RAD21: variants seen among roughly 807,000 people sequenced by gnomAD.
RAD21 encodes the protein double-strand-break repair protein rad21 homolog.
In RAD21, 18 loss-of-function variants were observed where a neutral mutation model predicts 71.5. The ratio of observed to expected loss-of-function variants is 0.25; its 90% CI spans 0.17 to 0.37. RAD21 has a LOEUF of 0.37. Among genes scored for constraint, RAD21 ranks in the 10% least tolerant of loss-of-function variants. The pLI is 1.00. For synonymous variants in RAD21, 248 were observed against 254.0 expected, an observed-to-expected ratio of 0.98 and a Z score of 0.22; for missense variants, 493 against 769.1, an observed-to-expected ratio of 0.64 and a Z score of 4.25.
Position 116,874,775 on chromosome 8 carries a change from A to G in RAD21, c.-197T>C, listed in dbSNP as rs1001084287. On this transcript the variant is annotated 5_prime_UTR_variant, in exon 1 of 14. Coordinates refer to ENST00000297338, the MANE Select transcript of RAD21 (RefSeq NM_006265.3). The stretch of plus-strand genomic sequence containing the variant: ...TTTCCGATTCACTCAAACAAACAAG[A>G]TGGCTGCCGTTACGCCGCGGCTCTT... 2.2e-6 allele frequency: 1 copy of G among 456,120 alleles called. No homozygotes were observed. The allele number at this position is 456,120 out of a possible 1,614,324, so 28.3% of individuals were successfully genotyped here. A position where few individuals can be genotyped will look rare whatever the true frequency, so the allele number is the denominator to read the frequency against.
chr8:116,851,821 C>A, intron 11 of RAD21, 127 bp downstream of exon 11: 1 of 987,274 alleles, frequency 1.0e-6, no homozygotes. Flanking sequence ...TGCTCTTCTT[C>A]CTCTGGACTC....
At chr8:116,857,605 C>G (rs998074774) in intron 5 of RAD21, 132 bp from the exon 6 acceptor site, 2 of 778,734 alleles carry the variant, frequency 2.6e-6, no homozygotes, top group Non-Finnish European at 4.0e-6. Flanking sequence ...GTTAAAATAT[C>G]TAGTTTAAAC....
rs1396596588 is a variant in RAD21, at chr8:116,861,913, C to T, written c.302G>A (p.Arg101Gln). 3.1e-6 allele frequency: 5 copies of T among 1,611,246 alleles called. No individual in the cohort carries two copies. Among genetic ancestry groups the T allele is most frequent in the East Asian group, 2.2e-5 (1 of 44,776 alleles). Reference sequence around the variant, plus strand: ...AGTAATGGCATTATAAGCTGCTTCCCGATTTTCCTCAGGCAGGTCAACCAC... The same window carrying T: ...AGTAATGGCATTATAAGCTGCTTCCTGATTTTCCTCAGGCAGGTCAACCAC... ...PGVVDLPEEN[R>Q]EAAYNAITLP... Residue 101 changes from arginine to glutamine, a missense_variant, in exon 4 of 14, where the codon CGG becomes CAG. Physicochemically the swap from Arg to Gln is conservative, Grantham distance 43. Coordinates refer to ENST00000297338, the MANE Select transcript of RAD21 (RefSeq NM_006265.3).
chr8:116,869,634 T>G (rs1812769834), intron 1 of RAD21, among the ~76,000 whole-genome samples: 1 of 151,886 alleles, frequency 6.6e-6, no homozygotes, highest in Non-Finnish European at 1.5e-5. Flanking sequence ...CAGAAGAGGT[T>G]TACTGATGAC....
At chr8:116,863,367 T>C (rs1205378323) in intron 2 of RAD21, 108 bp from the exon 3 acceptor site, 11 of 1,177,774 alleles carry the variant, frequency 9.3e-6, no homozygotes, top group Non-Finnish European at 1.3e-5. Flanking sequence ...TACATTTCTC[T>C]GTCCTTACCT....
At chr8:116,864,081 C>A (rs1359046669) in intron 2 of RAD21, among the ~76,000 whole-genome samples, 1 of 151,926 alleles carries the variant, frequency 6.6e-6, no homozygotes, top group Non-Finnish European at 1.5e-5. Context: ...ATACTCCCAA[C>A]CTTTTTTCGA....
chr8:116,859,058 A>G (rs1812529815), intron 4 of RAD21, among the ~76,000 whole-genome samples: 1 of 148,764 alleles, frequency 6.7e-6, no homozygotes, highest in African/African-American at 2.5e-5. Flanking sequence ...TATCAACCAG[A>G]TGCAGTTTGT....
chr8:116,852,800 AATAAAT>A (rs1666822591), intron 9 of RAD21, 92 bp from the exon 10 acceptor site: 1 of 934,986 alleles, frequency 1.1e-6, no homozygotes, highest in East Asian at 3.0e-5. Flanking sequence ...GGTATGTTCT[AATAAAT>A]ATAAGTGTAT....
intron 1 of RAD21, among the ~76,000 whole-genome samples, chr8:116,870,058 T>G (rs1023982282): frequency 6.6e-6 from 1 of 152,226 alleles, no homozygotes; most frequent in South Asian, 2.1e-4. Context: ...AGGTTTGCTT[T>G]ATCTCCATTT....
At chr8:116,852,474 C>G in intron 10 of RAD21, 75 bp downstream of exon 10, 1 of 1,393,882 alleles carries the variant, frequency 7.2e-7, no homozygotes, top group Admixed American at 2.3e-5. Context: ...TTCTTTCACT[C>G]TGACAGTATA....
rs1391244308 is a variant in RAD21, at chr8:116,857,419, T to C, written c.536A>G (p.Asp179Gly). 3 of 1,613,374 alleles carry C rather than the reference T, an allele frequency of 1.9e-6. No homozygotes were observed. The highest frequency in any genetic ancestry group is 1.3e-5 in the African/African-American group (1 of 74,908). Residue 179 changes from aspartate to glycine, a missense_variant, in exon 6 of 14, where the codon GAT (aspartate) becomes GGT (glycine). This residue lies in a region of RAD21 where 165 missense variants were observed against 229.6 expected (regional missense o/e 0.72). Transcript: ENST00000297338. ...AGTAGTGCTTACTAACATGTCGTCA[T>C]CCTCAAAAGCACTGCCTTCTCTCAT... ...EIMREGSAFE[D>G]DDMLVSTTTS...
intron 2 of RAD21, among the ~76,000 whole-genome samples, chr8:116,864,470 C>T (rs1183599705): frequency 6.6e-6 from 1 of 151,972 alleles, no homozygotes; most frequent in Non-Finnish European, 1.5e-5. Context: ...TGACTTACAG[C>T]ATAAATGATG....
chr8:116,866,514 G>A, intron 2 of RAD21, 72 bp downstream of exon 2: 2 of 1,469,420 alleles, frequency 1.4e-6, no homozygotes, highest in African/African-American at 1.4e-5. Flanking sequence ...TAAAAAAACT[G>A]TTTTAGAAGT....
chr8:116,855,708 GT>G (rs34000422), intron 8 of RAD21, among the ~76,000 whole-genome samples: 1 of 149,572 alleles, frequency 6.7e-6, no homozygotes, highest in African/African-American at 2.5e-5. Flanking sequence ...CTCTAGTTTT[GT>G]TTTTTTTTTA....
At chr8:116,859,540 C>G (rs1039960571) in intron 4 of RAD21, among the ~76,000 whole-genome samples, 1 of 151,938 alleles carries the variant, frequency 6.6e-6, no homozygotes, top group Non-Finnish European at 1.5e-5. Flanking sequence ...TATACCTGGC[C>G]CAGTGATCTT....
At position 116,852,651 on chromosome 8, in the gene RAD21, C is replaced by T. The variant is rs746857556; in HGVS notation, c.1219G>A (p.Gly407Arg). 6.2e-7 allele frequency: 1 copy of T among 1,613,032 alleles called. No homozygotes were observed. The highest frequency in any genetic ancestry group is 1.1e-5 in the South Asian group (1 of 90,996). Residue 407 changes from glycine to arginine, a missense_variant, in exon 10 of 14, where the codon GGA (glycine) becomes AGA (arginine). Gly to Arg is a moderately radical substitution (Grantham distance 125). Coordinates refer to ENST00000297338, the MANE Select transcript of RAD21 (RefSeq NM_006265.3). ...TCATCCAAATTATCTGCCTCTCCTC[C>T]TTTCCTCCTTTTTCTAAGGTCTTCT... ...VPEDLRKRRK[G>R]GEADNLDEFL... is the part of the protein sequence containing the mutation.
intron 1 of RAD21, among the ~76,000 whole-genome samples, chr8:116,870,153 C>CT (rs1197764942): frequency 6.6e-6 from 1 of 152,054 alleles, no homozygotes; most frequent in Non-Finnish European, 1.5e-5. Context: ...ACTAAAAAAA[C>CT]TTTTCCTCAA....
At chr8:116,870,288 A>G (rs1812786959) in intron 1 of RAD21, among the ~76,000 whole-genome samples, 1 of 152,182 alleles carries the variant, frequency 6.6e-6, no homozygotes, top group African/African-American at 2.4e-5. Flanking sequence ...GCCCTTTGGG[A>G]GGCCAAGGTA....
chr8:116,872,545 C>A (rs1433386767), intron 1 of RAD21, among the ~76,000 whole-genome samples: 1 of 150,196 alleles, frequency 6.7e-6, no homozygotes, highest in Non-Finnish European at 1.5e-5. Flanking sequence ...TACATACACA[C>A]ACACACACAC....
Sources: allele counts gnomAD v4.1 joint callset (sites outside exome capture counted in the v4.1 genomes callset), GRCh38; gene constraint gnomAD v4.1.1; regional missense constraint gnomAD v4.1.1; transcripts MANE v1.5; gene names NCBI Gene and HGNC (gene_info 2026-07-23, HGNC 2026-07-21).